Variants in ARMC2 observed in about 807,000 individuals in gnomAD.
ARMC2 encodes armadillo repeat-containing protein 2.
A neutral mutation model predicts 90.3 loss-of-function variants in ARMC2; 67 were observed. The ratio of observed to expected loss-of-function variants is 0.74; its 90% CI spans 0.61 to 0.91. The LOEUF (loss-of-function observed/expected upper bound fraction) is 0.91. Among genes scored for constraint, ARMC2 ranks in the 40% least tolerant of loss-of-function variants. ARMC2 has a pLI of 0.00. For synonymous variants in ARMC2, 393 were observed against 393.0 expected, an observed-to-expected ratio of 1.00 and a Z score of 0.00; for missense variants, 920 against 1,030.9, an observed-to-expected ratio of 0.89 and a Z score of 1.47.
chr6:108,928,320 C>A, intron 11 of ARMC2, 87 bp downstream of exon 11: 1 of 1,291,074 alleles, frequency 7.7e-7, no homozygotes, highest in Non-Finnish European at 1.0e-6. Flanking sequence ...GTGTGACTGG[C>A]AAGGAATCCT....
At chr6:108,876,563 C>T (rs994723908) in intron 5 of ARMC2, among the ~76,000 whole-genome samples, 1 of 152,154 alleles carries the variant, frequency 6.6e-6, no homozygotes, top group Non-Finnish European at 1.5e-5. Context: ...CACTTTTATT[C>T]ATGACTGTCA....
At chr6:108,999,085 A>G in the ARMC2 span, 1 of 173,400 alleles carries the variant, frequency 5.8e-6, no homozygotes. Context: ...TTAGTTCAAA[A>G]TCTCAAAGCA....
At chr6:108,944,223 A>G (rs538750747) in intron 12 of ARMC2, among the ~76,000 whole-genome samples, 125 of 152,352 alleles carry the variant, frequency 8.2e-4, no homozygotes, top group African/African-American at 2.9e-3. Context: ...AGTAGGAACC[A>G]AGTTGACAAG....
chr6:108,952,539 G>A (rs1422650310), intron 12 of ARMC2, among the ~76,000 whole-genome samples: 2 of 145,652 alleles, frequency 1.4e-5, no homozygotes, highest in African/African-American at 2.6e-5. Context: ...GCTGCCAAAC[G>A]CTCTACAATG....
the ARMC2 span, among the ~76,000 whole-genome samples, chr6:109,003,612 G>A: frequency 6.6e-6 from 1 of 152,134 alleles, no homozygotes; most frequent in Admixed American, 6.5e-5. Context: ...ACTTCTCCCT[G>A]GTTAGTCCAT....
rs761629860 is a variant in ARMC2, at chr6:108,965,152, G to C, written c.2446+12G>C. The C allele has an allele frequency of 1.3e-6, 2 of 1,590,362 alleles. No homozygotes were observed. Among genetic ancestry groups the C allele is most frequent in the Non-Finnish European group, 1.7e-6 (2 of 1,160,880 alleles). On this transcript the variant is annotated intron_variant, in intron 17 of 17. Coordinates refer to ENST00000392644, the MANE Select transcript of ARMC2 (RefSeq NM_032131.6). ...CTCATCATTTTTAGGTAAGACTCTT[G>C]ACTATGATGAGTCTGTGAGTTTTAT...
intron 13 of ARMC2, among the ~76,000 whole-genome samples, chr6:108,956,192 A>G (rs983126910): frequency 6.6e-6 from 1 of 152,154 alleles, no homozygotes; most frequent in Non-Finnish European, 1.5e-5. Context: ...CAGACCTCAA[A>G]CACCTGGACT....
intron 8 of ARMC2, among the ~76,000 whole-genome samples, chr6:108,904,624 C>T (rs1363309196): frequency 3.0e-5 from 4 of 135,180 alleles, no homozygotes; most frequent in Non-Finnish European, 4.7e-5. Context: ...AGAAACTCAA[C>T]GTTTTTGGAC....
chr6:108,965,187 A>AGAT (rs1482275266), intron 17 of ARMC2, 47 bp downstream of exon 17: 1 of 1,528,944 alleles, frequency 6.5e-7, no homozygotes, highest in South Asian at 1.2e-5. Context: ...TCAGAGTGTG[A>AGAT]GATAGTTTTT....
intron 5 of ARMC2, 77 bp downstream of exon 5, chr6:108,876,427 T>A (rs1776946716): frequency 7.0e-7 from 1 of 1,433,612 alleles, no homozygotes; most frequent in Non-Finnish European, 9.5e-7. Flanking sequence ...TTTATATAGA[T>A]GATTGGTTTG....
chr6:108,879,621 T>C (rs1298387315), intron 5 of ARMC2, among the ~76,000 whole-genome samples: 2 of 142,750 alleles, frequency 1.4e-5, no homozygotes, highest in Non-Finnish European at 3.0e-5. Context: ...CATCCATCCA[T>C]GGAATCTCTT....
the ARMC2 span, among the ~76,000 whole-genome samples, chr6:108,994,766 G>A: frequency 6.8e-6 from 1 of 146,626 alleles, no homozygotes; most frequent in Non-Finnish European, 1.5e-5. Context: ...GCAGTGGCGC[G>A]ATCTCGGCTC....
chr6:109,001,896 T>C, the ARMC2 span, among the ~76,000 whole-genome samples: 1 of 152,198 alleles, frequency 6.6e-6, no homozygotes, highest in African/African-American at 2.4e-5. Context: ...AAAGCATAGA[T>C]GCTTTTATAC....
intron 12 of ARMC2, among the ~76,000 whole-genome samples, chr6:108,937,993 C>T (rs553364188): frequency 6.6e-6 from 1 of 152,330 alleles, no homozygotes; most frequent in South Asian, 2.1e-4. Context: ...AGCCACTGCA[C>T]CCGGCCACAG....
At chr6:108,971,185 T>C (rs1348897648) in intron 17 of ARMC2, among the ~76,000 whole-genome samples, 2 of 152,046 alleles carry the variant, frequency 1.3e-5, no homozygotes, top group Non-Finnish European at 2.9e-5. Context: ...GATCACACCA[T>C]TGCACTCCAG....
intron 13 of ARMC2, chr6:108,959,499 G>T: frequency 6.5e-6 from 1 of 152,752 alleles, no homozygotes; most frequent in Non-Finnish European, 1.5e-5. Flanking sequence ...CTCGCAGGCT[G>T]GGACTGGGCC....
At chr6:108,856,022 A>G (rs1406528771) in intron 2 of ARMC2, among the ~76,000 whole-genome samples, 1 of 152,188 alleles carries the variant, frequency 6.6e-6, no homozygotes, top group Non-Finnish European at 1.5e-5. Context: ...TTCTCTTGAT[A>G]GTGTCTTTTG....
chr6:108,975,584 G>A (rs904203956), downstream of ARMC2, among the ~76,000 whole-genome samples: 14 of 152,178 alleles, frequency 9.2e-5, no homozygotes, highest in Admixed American at 8.5e-4. Flanking sequence ...TTGCCACACT[G>A]TCTTCCCAAT....
At chr6:108,941,395 T>C (rs1196809361) in intron 12 of ARMC2, among the ~76,000 whole-genome samples, 2 of 152,168 alleles carry the variant, frequency 1.3e-5, no homozygotes, top group Non-Finnish European at 2.9e-5. Context: ...CTTAACCACT[T>C]CACTATTATT....
Sources: gnomAD v4.1 joint callset for allele counts (sites outside exome capture counted in the v4.1 genomes callset) on GRCh38, gnomAD v4.1.1 for gene constraint, MANE v1.5 for transcripts, NCBI Gene and HGNC (gene_info 2026-07-23, HGNC 2026-07-21) for gene names.